Variants in DIAPH3 observed in about 807,000 individuals in gnomAD.
DIAPH3 encodes the protein protein diaphanous homolog 3.
A neutral mutation model predicts 144.3 loss-of-function variants in DIAPH3; 117 were observed. The observed-to-expected ratio is 0.81, with a 90% CI of 0.70 to 0.95. The LOEUF (loss-of-function observed/expected upper bound fraction) is 0.95. Among genes scored for constraint, DIAPH3 ranks in the 40% least tolerant of loss-of-function variants. DIAPH3 has a pLI of 0.00. For missense variants in DIAPH3, 1,421 were observed against 1,412.7 expected, an observed-to-expected ratio of 1.01 and a Z score of -0.09; for synonymous variants, 519 against 488.9, an observed-to-expected ratio of 1.06 and a Z score of -0.81.
intron 14 of DIAPH3, among the ~76,000 whole-genome samples, chr13:59,978,294 C>T (rs1008422173): frequency 4.0e-5 from 6 of 151,690 alleles, no homozygotes; most frequent in Non-Finnish European, 8.9e-5. Flanking sequence ...CATAGTCACT[C>T]TCCCAGCATC....
chr13:59,806,927 GTAAT>G (rs1207072389), intron 25 of DIAPH3, among the ~76,000 whole-genome samples: 3 of 151,568 alleles, frequency 2.0e-5, no homozygotes, highest in Non-Finnish European at 4.4e-5. Flanking sequence ...CATATTTTCA[GTAAT>G]TAAGTGCTAA....
At chr13:59,871,195 T>G (rs139963101) in intron 21 of DIAPH3, among the ~76,000 whole-genome samples, 5,295 of 128,370 alleles carry the variant, frequency 0.041, 144 homozygotes, top group Non-Finnish European at 0.054. Context: ...CCATTTTTTT[T>G]GGGGGGGGGG....
At chr13:59,666,903 C>T in intron 27 of DIAPH3, 57 bp from the exon 28 acceptor site, 1 of 1,589,808 alleles carries the variant, frequency 6.3e-7, no homozygotes. Context: ...AAGGACTGTG[C>T]ACGTTATGAA....
At chr13:59,959,400 A>G (rs1190031349) in intron 17 of DIAPH3, among the ~76,000 whole-genome samples, 1 of 152,144 alleles carries the variant, frequency 6.6e-6, no homozygotes, top group Non-Finnish European at 1.5e-5. Context: ...CCCAGTGGAT[A>G]TTTTACCCCA....
At chr13:60,005,443 C>T (rs1440970854) in intron 9 of DIAPH3, among the ~76,000 whole-genome samples, 2 of 152,106 alleles carry the variant, frequency 1.3e-5, no homozygotes, top group East Asian at 3.9e-4. Context: ...GTAAAGATTC[C>T]ACAAAGCTGT....
At chr13:60,022,637 C>T (rs2054109007) in intron 5 of DIAPH3, among the ~76,000 whole-genome samples, 1 of 152,060 alleles carries the variant, frequency 6.6e-6, no homozygotes, top group Non-Finnish European at 1.5e-5. Flanking sequence ...TGTATCTCTG[C>T]CTTTTTCTTT....
chr13:59,749,537 A>C (rs1363259586), intron 27 of DIAPH3, among the ~76,000 whole-genome samples: 1 of 150,710 alleles, frequency 6.6e-6, no homozygotes, highest in Non-Finnish European at 1.5e-5. Flanking sequence ...AAAAAAAAAA[A>C]AAAGCCAAAT....
intron 14 of DIAPH3, among the ~76,000 whole-genome samples, chr13:59,977,836 G>T (rs1230274124): frequency 6.6e-6 from 1 of 151,772 alleles, no homozygotes; most frequent in African/African-American, 2.4e-5. Flanking sequence ...AAAATGCAGG[G>T]GGAAAAGATA....
At chr13:59,940,844 C>T (rs2048492865) in intron 17 of DIAPH3, among the ~76,000 whole-genome samples, 1 of 152,130 alleles carries the variant, frequency 6.6e-6, no homozygotes, top group African/African-American at 2.4e-5. Context: ...CTATCTAGCC[C>T]ATCAGTAGAA....
intron 27 of DIAPH3, among the ~76,000 whole-genome samples, chr13:59,682,503 G>A (rs925593119): frequency 6.6e-6 from 1 of 152,078 alleles, no homozygotes; most frequent in Non-Finnish European, 1.5e-5. Context: ...TATTTTAAAG[G>A]TTAAAGTTTT....
rs914960624 is a variant in DIAPH3, at chr13:59,974,568, T to A, written c.1546-112A>T. On this transcript the variant is annotated intron_variant, in intron 14 of 27. Transcript: ENST00000400324. ...TGCCGGTAGAACACAAATTCCTGAA[T>A]TGGTTTTATGAAAGGAGTGATAGAG... 8 of 974,242 alleles carry A rather than the reference T, an allele frequency of 8.2e-6. No individual in the cohort carries two copies. The South Asian group carries it at 9.9e-5, about 12-fold the overall frequency. 60.3% of individuals were successfully genotyped at this position (974,242 alleles called of 1,614,324 possible).
chr13:59,963,290 C>A (rs2049864803), intron 17 of DIAPH3, among the ~76,000 whole-genome samples: 1 of 152,108 alleles, frequency 6.6e-6, no homozygotes, highest in Admixed American at 6.5e-5. Context: ...TATCTAAACA[C>A]ATGAATGCAT....
At chr13:59,835,929 A>G (rs1014879860) in intron 23 of DIAPH3, among the ~76,000 whole-genome samples, 1 of 151,880 alleles carries the variant, frequency 6.6e-6, no homozygotes, top group Non-Finnish European at 1.5e-5. Flanking sequence ...GCATCTACCC[A>G]GTGATTTCAG....
At chr13:59,948,368 C>T (rs2048909519) in intron 17 of DIAPH3, among the ~76,000 whole-genome samples, 2 of 152,202 alleles carry the variant, frequency 1.3e-5, no homozygotes, top group African/African-American at 2.4e-5. Flanking sequence ...TTTCTACTCT[C>T]CTTGTGTCCA....
At chr13:59,812,270 AT>A (rs1414431544) in intron 24 of DIAPH3, among the ~76,000 whole-genome samples, 1 of 151,378 alleles carries the variant, frequency 6.6e-6, no homozygotes, top group African/African-American at 2.4e-5. Context: ...CCATCCATCC[AT>A]CCATCCATCC....
chr13:59,745,318 A>C (rs1234443336), intron 27 of DIAPH3, among the ~76,000 whole-genome samples: 1 of 152,240 alleles, frequency 6.6e-6, no homozygotes, highest in Non-Finnish European at 1.5e-5. Flanking sequence ...TTTTAAAAAC[A>C]GAATACCAAA....
At chr13:60,074,717 C>T (rs1189523343) in intron 4 of DIAPH3, among the ~76,000 whole-genome samples, 2 of 152,106 alleles carry the variant, frequency 1.3e-5, no homozygotes, top group Non-Finnish European at 2.9e-5. Flanking sequence ...CACTCATTCA[C>T]AGTATAAACT....
intron 27 of DIAPH3, among the ~76,000 whole-genome samples, chr13:59,708,225 G>A (rs931020597): frequency 3.3e-5 from 5 of 151,514 alleles, no homozygotes; most frequent in Non-Finnish European, 2.9e-5. Flanking sequence ...ACCATGCCAG[G>A]CTAATTAAAA....
chr13:59,825,141 C>A (rs1348137752), intron 24 of DIAPH3, among the ~76,000 whole-genome samples: 1 of 151,994 alleles, frequency 6.6e-6, no homozygotes, highest in Non-Finnish European at 1.5e-5. Flanking sequence ...CACCCATTAA[C>A]TCGTCATTTA....
Sources: allele counts gnomAD v4.1 joint callset (sites outside exome capture counted in the v4.1 genomes callset), GRCh38; gene constraint gnomAD v4.1.1; transcripts MANE v1.5; gene names NCBI Gene and HGNC (gene_info 2026-07-23, HGNC 2026-07-21).